UBA6: variants seen among roughly 807,000 people sequenced by gnomAD.
The protein encoded by UBA6 is ubiquitin-like modifier-activating enzyme 6.
Under a neutral mutation model 148.3 loss-of-function variants are expected in UBA6, and 87 were observed. That is an observed-to-expected ratio of 0.59 (90% CI 0.49 to 0.70). UBA6 has a LOEUF of 0.70. Among genes scored for constraint, UBA6 ranks in the 30% least tolerant of loss-of-function variants. UBA6 has a pLI of 0.00. For synonymous variants in UBA6, 376 were observed against 401.0 expected (o/e 0.94, Z 0.75); for missense variants, 1,186 against 1,241.2 (o/e 0.96, Z 0.67).
At chr4:67,686,317 C>T (rs1392314014) in intron 2 of UBA6, among the ~76,000 whole-genome samples, 1 of 152,162 alleles carries the variant, frequency 6.6e-6, no homozygotes, top group African/African-American at 2.4e-5. Context: ...AGCTAAACAT[C>T]TCCAGTTCCT....
At position 67,654,444 on chromosome 4, in the gene UBA6, A is replaced by G. The variant is rs910457596; in HGVS notation, c.1105-5233T>C. Among the ~76,000 whole-genome samples the G allele has an allele frequency of 3.9e-5, 6 of 152,228 alleles. No homozygotes were observed. The East Asian group carries it at 5.8e-4, about 15-fold the overall frequency. ...TTCACACCCAGCCAAACTAAGCTTC[A>G]TAAGTGAAGGAGAAATAAAATCCTT... On this transcript the variant is annotated intron_variant, in intron 13 of 32. Coordinates refer to ENST00000322244, the MANE Select transcript of UBA6 (RefSeq NM_018227.6).
Position 67,629,001 on chromosome 4 carries a change from T to G in UBA6, c.2400+70A>C. ...ACCATTCATTGTGATATTCTCCAGG[T>G]TTAGAATGGGACTTGGTACAAGTCC... On this transcript the variant is annotated intron_variant, in intron 27 of 32. Transcript: ENST00000322244. 4 of 1,074,172 alleles carry G rather than the reference T, an allele frequency of 3.7e-6. No individual in the cohort carries two copies. The Admixed American group carries it at 6.9e-5, about 18-fold the overall frequency. 66.5% of individuals were successfully genotyped at this position (1,074,172 alleles called of 1,614,324 possible).
chr4:67,672,173 ACTT>A (rs1284971888), intron 7 of UBA6, among the ~76,000 whole-genome samples: 4 of 151,956 alleles, frequency 2.6e-5, no homozygotes, highest in African/African-American at 9.7e-5. Context: ...ATCTTTCATG[ACTT>A]CTTCATACTC....
At chr4:67,694,915 A>G (rs1730796326) in intron 2 of UBA6, among the ~76,000 whole-genome samples, 1 of 152,242 alleles carries the variant, frequency 6.6e-6, no homozygotes, top group Non-Finnish European at 1.5e-5. Context: ...CTACACCAAA[A>G]GATACTCTCC....
At position 67,614,061 on chromosome 4, in the gene UBA6, C is replaced by G. The variant is rs1378152872; in HGVS notation, c.*4936G>C. The G allele has an allele frequency of 6.6e-6, 1 of 152,134 alleles. No homozygotes were observed. The allele number at this position is 152,134 out of a possible 1,614,324, so 9.4% of individuals were successfully genotyped here. ...CCAATAAGAAACACTTTACAACCTG[C>G]TCTCTTTGAAGTCTGCTGAGAGTTT... On this transcript the variant is annotated 3_prime_UTR_variant, in exon 33 of 33. Coordinates refer to ENST00000322244, the MANE Select transcript of UBA6 (RefSeq NM_018227.6).
chr4:67,642,136 T>C (rs750293096), intron 17 of UBA6, among the ~76,000 whole-genome samples: 2 of 152,052 alleles, frequency 1.3e-5, no homozygotes, highest in Non-Finnish European at 2.9e-5. Context: ...TTCACTGATA[T>C]TAAGGCTTTT....
At chr4:67,631,200 A>G (rs1389847644) in intron 25 of UBA6, among the ~76,000 whole-genome samples, 2 of 152,188 alleles carry the variant, frequency 1.3e-5, no homozygotes, top group Non-Finnish European at 2.9e-5. Context: ...TGTCTCTTTC[A>G]AAGAATAAAA....
intron 31 of UBA6, 21 bp from the exon 32 acceptor site, chr4:67,622,946 A>C (rs758597218): frequency 3.3e-4 from 516 of 1,569,708 alleles, no homozygotes; most frequent in Middle Eastern, 1.0e-3. Context: ...ATATCCAAAA[A>C]AGAAACAATG....
intron 8 of UBA6, among the ~76,000 whole-genome samples, chr4:67,668,895 G>A (rs1472669347): frequency 1.3e-5 from 2 of 152,076 alleles, no homozygotes; most frequent in African/African-American, 2.4e-5. Context: ...TAATTTCTAT[G>A]TTTGGTAGGA....
At chr4:67,623,029 C>A in intron 31 of UBA6, 104 bp from the exon 32 acceptor site, 2 of 1,346,370 alleles carry the variant, frequency 1.5e-6, no homozygotes, top group Admixed American at 2.2e-5. Context: ...GTAAAAAAAG[C>A]AAATTCATGG....
intron 2 of UBA6, among the ~76,000 whole-genome samples, chr4:67,686,952 TAAAAAAAAAAAAAAAAA>T (rs546442640): frequency 1.3e-3 from 74 of 57,188 alleles, no homozygotes; most frequent in African/African-American, 5.2e-3. Context: ...ATCCTGTCTC[TAAAAAAAAAAAAAAAAA>T]AAAAAAAAAA....
At chr4:67,629,494 T>C (rs114937214) in intron 26 of UBA6, among the ~76,000 whole-genome samples, 4,783 of 152,076 alleles carry the variant, frequency 0.031, 117 homozygotes, top group Non-Finnish European at 0.048. Context: ...ATGTTTTTAA[T>C]GTTTTACAAA....
At chr4:67,689,104 A>G (rs1730635796) in intron 2 of UBA6, among the ~76,000 whole-genome samples, 1 of 152,108 alleles carries the variant, frequency 6.6e-6, no homozygotes, top group Non-Finnish European at 1.5e-5. Context: ...TCAGTACAGT[A>G]TTCTCAATAA....
chr4:67,653,893 C>T (rs1312444732), intron 13 of UBA6, among the ~76,000 whole-genome samples: 5 of 152,140 alleles, frequency 3.3e-5, no homozygotes, highest in East Asian at 3.9e-4. Context: ...GATGCATGCA[C>T]AAGCTTCAAT....
At chr4:67,665,134 C>A in intron 10 of UBA6, 55 bp downstream of exon 10, 1 of 1,089,768 alleles carries the variant, frequency 9.2e-7, no homozygotes, top group East Asian at 2.5e-5. Context: ...TTTGTCTCTT[C>A]TGCCTTTCTT....
intron 13 of UBA6, 180 bp downstream of exon 13, chr4:67,662,009 C>A: frequency 3.7e-6 from 2 of 539,972 alleles, no homozygotes; most frequent in Non-Finnish European, 3.3e-6. Flanking sequence ...CACAATAACC[C>A]TATGAAGGTA....
chr4:67,672,687 T>C (rs28692841), intron 7 of UBA6, among the ~76,000 whole-genome samples: 58,483 of 151,918 alleles, frequency 0.38, 11,391 homozygotes, highest in Middle Eastern at 0.51. Context: ...TTTGGTCCTG[T>C]TTGCCTCTTA....
In UBA6 at chr4:67,612,839, G is replaced by A. The variant is rs185439275; in HGVS notation, c.*6158C>T. The A allele has an allele frequency of 5.3e-5, 8 of 152,336 alleles. No individual in the cohort carries two copies. In the East Asian group the frequency reaches 1.5e-3, roughly 29 times the overall value. 9.4% of individuals were successfully genotyped at this position (152,336 alleles called of 1,614,324 possible). On this transcript the variant is annotated 3_prime_UTR_variant, in exon 33 of 33. Coordinates refer to ENST00000322244, the MANE Select transcript of UBA6 (RefSeq NM_018227.6). The stretch of plus-strand genomic sequence containing the variant: ...CAAAGATGTAGGAAGGCAGCAGGGA[G>A]CTGATAAGTTGGTGAATAATTACCA...
chr4:67,637,935 TATAAATAA>T (rs71219062), intron 19 of UBA6, among the ~76,000 whole-genome samples: 96 of 143,832 alleles, frequency 6.7e-4, no homozygotes, highest in African/African-American at 1.7e-3. Flanking sequence ...GAATGATCAA[TATAAATAA>T]ATAAATAAAT....
Sources: gnomAD v4.1 joint callset for allele counts (sites outside exome capture counted in the v4.1 genomes callset) on GRCh38, gnomAD v4.1.1 for gene constraint, MANE v1.5 for transcripts, NCBI Gene and HGNC (gene_info 2026-07-23, HGNC 2026-07-21) for gene names.